The following MED27 variants were observed in gnomAD, a reference collection of about 807,000 sequenced individuals.
The protein encoded by MED27 is mediator complex subunit 27, also known as mediator of RNA polymerase II transcription subunit 27.
Under a neutral mutation model 38.2 loss-of-function variants are expected in MED27, and 30 were observed. That is an observed-to-expected ratio of 0.79 (90% CI 0.59 to 1.07). MED27 has a LOEUF of 1.07. Ranked by LOEUF, MED27 falls within the 50% of genes least tolerant of loss-of-function variation. The probability of loss-of-function intolerance (pLI) is 0.00; values close to 1 mark genes in which losing one functional copy is unlikely to be tolerated. For synonymous variants in MED27, 122 were observed against 153.5 expected (o/e 0.79, Z 1.52); for missense variants, 289 against 397.5 (o/e 0.73, Z 2.32).
intron 3 of MED27, among the ~76,000 whole-genome samples, chr9:131,948,156 A>T (rs200285287): frequency 6.6e-6 from 1 of 152,194 alleles, no homozygotes; most frequent in African/African-American, 2.4e-5. Context: ...AACATTTCTG[A>T]TTATTTGCTC....
Position 132,077,585 on chromosome 9 carries a change from C to T in MED27, c.205G>A (p.Glu69Lys), listed in dbSNP as rs759096246. 8 of 1,613,954 alleles carry T rather than the reference C, an allele frequency of 5.0e-6. No individual in the cohort carries two copies. The highest frequency in any genetic ancestry group is 5.9e-6 in the Non-Finnish European group (7 of 1,179,984). Residue 69 changes from glutamate (E) to lysine (K), a missense_variant and splice_region_variant, in exon 2 of 8, where the codon GAG becomes AAG. Glu to Lys is a moderately conservative substitution (Grantham distance 56). Transcript: ENST00000292035. ...ACCAGATTGCTCAGACGTTCCAGCT[C>T]ACTGAAAAGCAAAGAGACAAGGCAA... ...NLHSVNRDLN[E>K]LERLSNLVGK... is the part of the protein sequence containing the mutation.
At chr9:131,960,194 G>C (rs1831186629) in intron 3 of MED27, among the ~76,000 whole-genome samples, 1 of 152,166 alleles carries the variant, frequency 6.6e-6, no homozygotes, top group South Asian at 2.1e-4. Context: ...TTTAGAAATA[G>C]AAGCCAGGAA....
At chr9:131,992,127 T>C (rs1412831985) in intron 3 of MED27, among the ~76,000 whole-genome samples, 1 of 152,188 alleles carries the variant, frequency 6.6e-6, no homozygotes, top group African/African-American at 2.4e-5. Flanking sequence ...CCAATTCCCA[T>C]ATTATTTGTT....
At chr9:132,070,107 A>G (rs1052499636) in intron 2 of MED27, among the ~76,000 whole-genome samples, 1 of 152,152 alleles carries the variant, frequency 6.6e-6, no homozygotes, top group African/African-American at 2.4e-5. Flanking sequence ...ACGTTCTGCC[A>G]CTCGTCCCAA....
intron 6 of MED27, among the ~76,000 whole-genome samples, chr9:131,877,332 G>A (rs1002720128): frequency 2.0e-5 from 3 of 152,204 alleles, no homozygotes; most frequent in Admixed American, 1.3e-4. Flanking sequence ...TTGGGAGGCT[G>A]AGACAGGTGG....
At chr9:131,941,982 C>T (rs551529698) in intron 3 of MED27, among the ~76,000 whole-genome samples, 9 of 151,958 alleles carry the variant, frequency 5.9e-5, no homozygotes, top group East Asian at 3.9e-4. Flanking sequence ...CCCGCCACCA[C>T]GCCTGGCTAA....
chr9:131,898,943 A>G (rs1829880574), intron 4 of MED27, among the ~76,000 whole-genome samples: 1 of 152,202 alleles, frequency 6.6e-6, no homozygotes, highest in African/African-American at 2.4e-5. Flanking sequence ...TTGAGGCTTT[A>G]GAATCAGGTC....
intron 6 of MED27, among the ~76,000 whole-genome samples, chr9:131,881,570 G>A (rs1589181091): frequency 6.6e-6 from 1 of 152,290 alleles, no homozygotes; most frequent in Non-Finnish European, 1.5e-5. Context: ...TTTTAGAGCA[G>A]TTTTAGATTT....
chr9:132,052,989 C>T (rs1200675806), intron 2 of MED27, among the ~76,000 whole-genome samples: 1 of 151,656 alleles, frequency 6.6e-6, no homozygotes, highest in Non-Finnish European at 1.5e-5. Flanking sequence ...CGGGGTGGCT[C>T]ATGCCTGTAA....
chr9:131,891,794 T>C (rs1839232985), intron 5 of MED27, among the ~76,000 whole-genome samples: 1 of 151,890 alleles, frequency 6.6e-6, no homozygotes, highest in South Asian at 2.1e-4. Context: ...AGACTAGAAG[T>C]GAGGCGGTGC....
chr9:131,881,346 T>C (rs1839034876), intron 6 of MED27, among the ~76,000 whole-genome samples: 1 of 152,178 alleles, frequency 6.6e-6, no homozygotes, highest in African/African-American at 2.4e-5. Context: ...GAAATGTGCT[T>C]CCCTGCACTA....
rs1838674743 is a variant in MED27, at chr9:131,862,844, T to C, written c.801+219A>G. Among the ~76,000 whole-genome samples the C allele has an allele frequency of 6.6e-6, 1 of 152,212 alleles. No homozygotes were observed. The highest frequency in any genetic ancestry group is 2.4e-5 in the African/African-American group (1 of 41,458). On this transcript the variant is annotated intron_variant, in intron 7 of 7. Coordinates refer to ENST00000292035, the MANE Select transcript of MED27 (RefSeq NM_004269.4). The surrounding 1 kb of genome is among the most constrained non-coding windows in gnomAD (Gnocchi z 4.6). ...AAGATCATTTCTGAAACCACCGCTT[T>C]TTCAGCAAGTAGAGAAAGCACCAGT... is the stretch of plus-strand genomic sequence containing the variant.
At chr9:131,990,563 T>C (rs1237159006) in intron 3 of MED27, among the ~76,000 whole-genome samples, 2 of 152,206 alleles carry the variant, frequency 1.3e-5, no homozygotes, top group Non-Finnish European at 2.9e-5. Context: ...CATCCTCAAA[T>C]AAAACGTTCA....
intron 4 of MED27, among the ~76,000 whole-genome samples, chr9:131,902,336 G>T (rs1829965079): frequency 6.6e-6 from 1 of 152,166 alleles, no homozygotes; most frequent in Non-Finnish European, 1.5e-5. Flanking sequence ...CAGCAAGGGG[G>T]ATGAGGGAAA....
intron 3 of MED27, among the ~76,000 whole-genome samples, chr9:131,946,021 CTTATT>C (rs1353262067): frequency 6.7e-6 from 1 of 149,582 alleles, no homozygotes; most frequent in Non-Finnish European, 1.5e-5. Flanking sequence ...CTGTCTCTGG[CTTATT>C]TTATTTAATA....
intron 6 of MED27, among the ~76,000 whole-genome samples, chr9:131,881,002 C>G (rs759192069): frequency 2.0e-5 from 3 of 151,906 alleles, no homozygotes; most frequent in Non-Finnish European, 4.4e-5. Flanking sequence ...TACCAAGTTA[C>G]AAGCTGCAAT....
intron 4 of MED27, among the ~76,000 whole-genome samples, chr9:131,933,416 G>A (rs1384259389): frequency 6.6e-6 from 1 of 152,038 alleles, no homozygotes; most frequent in African/African-American, 2.4e-5. Flanking sequence ...AAAGTTGAAG[G>A]ATACAAAATA....
At chr9:132,028,801 AG>A (rs1832885345) in intron 2 of MED27, among the ~76,000 whole-genome samples, 1 of 152,238 alleles carries the variant, frequency 6.6e-6, no homozygotes, top group Non-Finnish European at 1.5e-5. Context: ...TGCAGATTCC[AG>A]GGGCCCACCT....
intron 4 of MED27, among the ~76,000 whole-genome samples, chr9:131,916,846 A>G (rs1454785509): frequency 6.6e-6 from 1 of 152,230 alleles, no homozygotes; most frequent in Non-Finnish European, 1.5e-5. Flanking sequence ...TTTAAGATCA[A>G]TCCACAATCC....
Sources: allele counts gnomAD v4.1 joint callset (sites outside exome capture counted in the v4.1 genomes callset), GRCh38; gene constraint gnomAD v4.1.1; non-coding constraint Gnocchi (gnomAD v3.1); transcripts MANE v1.5; gene names NCBI Gene and HGNC (gene_info 2026-07-23, HGNC 2026-07-21).